The following DRGX variants were observed in gnomAD, a reference collection of about 807,000 sequenced individuals.
DRGX encodes the protein dorsal root ganglia homeobox, also known as dorsal root ganglia homeobox protein.
A neutral mutation model predicts 28.6 loss-of-function variants in DRGX; 21 were observed. The ratio of observed to expected loss-of-function variants is 0.73; its 90% CI spans 0.52 to 1.06. DRGX has a LOEUF of 1.06. DRGX is among the 50% of genes least tolerant of loss of function. The pLI is 0.00. For missense variants in DRGX, 354 were observed against 343.9 expected, an observed-to-expected ratio of 1.03 and a Z score of -0.23; for synonymous variants, 136 against 139.1, an observed-to-expected ratio of 0.98 and a Z score of 0.16.
chr10:49,392,356 T>G (rs1849915689), intron 2 of DRGX, among the ~76,000 whole-genome samples: 1 of 152,210 alleles, frequency 6.6e-6, no homozygotes, highest in Non-Finnish European at 1.5e-5. Context: ...TCTTTCACCA[T>G]CCAGGGCCAC....
chr10:49,388,932 G>A (rs150158312), intron 4 of DRGX, among the ~76,000 whole-genome samples: 146 of 152,210 alleles, frequency 9.6e-4, no homozygotes, highest in Admixed American at 1.6e-3. Flanking sequence ...AACAATTCCC[G>A]GCTTTAATTG....
At chr10:49,389,374 T>A (rs550621647) in intron 4 of DRGX, among the ~76,000 whole-genome samples, 2 of 152,080 alleles carry the variant, frequency 1.3e-5, no homozygotes, top group East Asian at 3.9e-4. Context: ...AGCCCCTACA[T>A]AAAAAAGAAC....
At chr10:49,383,624 T>C (rs1849800810) in intron 6 of DRGX, among the ~76,000 whole-genome samples, 1 of 152,160 alleles carries the variant, frequency 6.6e-6, no homozygotes, top group Non-Finnish European at 1.5e-5. Flanking sequence ...AATTCATAGA[T>C]TGAAATCTTG....
At chr10:49,395,162 C>T (rs772916809) in intron 2 of DRGX, among the ~76,000 whole-genome samples, 1 of 152,224 alleles carries the variant, frequency 6.6e-6, no homozygotes, top group Non-Finnish European at 1.5e-5. Context: ...CCCCGCGGCA[C>T]GCCTAGCCCG....
At position 49,365,713 on chromosome 10, in the gene DRGX, A is replaced by G. The variant is rs1389271841; in HGVS notation, c.*403T>C. 1 of 168,604 alleles carries G rather than the reference A, an allele frequency of 5.9e-6. No homozygotes were observed. The highest frequency in any genetic ancestry group is 6.4e-5 in the Admixed American group (1 of 15,674). The allele number at this position is 168,604 out of a possible 1,614,324, so 10.4% of individuals were successfully genotyped here. On this transcript the variant is annotated 3_prime_UTR_variant, in exon 7 of 7. Transcript: ENST00000374139. ...AAGCGGGACAGGCCCTTTTCTTTTC[A>G]TGAAACTTCAGCCCATGCCACAGTT...
At chr10:49,382,908 G>T (rs1233840334) in intron 6 of DRGX, among the ~76,000 whole-genome samples, 1 of 152,214 alleles carries the variant, frequency 6.6e-6, no homozygotes, top group African/African-American at 2.4e-5. Flanking sequence ...GTGTGTGTGT[G>T]TGTCCCACCT....
rs12261515 is a variant in DRGX, at chr10:49,386,463, C to A, written c.526+15G>T. The A allele has an allele frequency of 0.24, 365,479 of 1,531,210 alleles. 45,641 individuals carry two copies. Among genetic ancestry groups the A allele is most frequent in the East Asian group, 0.49 (20,245 of 41,248 alleles). 94.9% of individuals were successfully genotyped at this position (1,531,210 alleles called of 1,614,324 possible). The stretch of plus-strand genomic sequence containing the variant: ...ATGAGGCCACGCCCACCAGCCCAGC[C>A]GAACCCAAACTCACCTTTGAGGGAA... On this transcript the variant is annotated intron_variant, in intron 6 of 6. Coordinates refer to ENST00000374139, the MANE Select transcript of DRGX (RefSeq NM_001276451.2).
intron 6 of DRGX, among the ~76,000 whole-genome samples, chr10:49,370,661 A>T (rs1224968387): frequency 6.6e-6 from 1 of 152,260 alleles, no homozygotes; most frequent in Non-Finnish European, 1.5e-5. Context: ...CTGGGAAGAT[A>T]TGTGGATCCA....
intron 6 of DRGX, among the ~76,000 whole-genome samples, chr10:49,385,749 C>T (rs778671460): frequency 5.1e-4 from 78 of 152,144 alleles, no homozygotes; most frequent in Non-Finnish European, 1.0e-3. Context: ...ACCTCCCAGA[C>T]CCCCTGTGAC....
chr10:49,379,918 C>G (rs1590365425), intron 6 of DRGX, among the ~76,000 whole-genome samples: 1 of 152,238 alleles, frequency 6.6e-6, no homozygotes, highest in South Asian at 2.1e-4. Context: ...TCCTCCCAGC[C>G]TGGGCCTTAC....
chr10:49,391,199 G>A lies in DRGX; in HGVS notation c.97C>T (p.Gln33Ter), dbSNP rs1290486305. Residue 33 changes from glutamine to a stop codon, truncating the protein, a stop_gained, in exon 3 of 7, where the codon CAG (glutamine) becomes TAG (stop). Transcript: ENST00000374139. LOFTEE classifies it high-confidence loss of function. ...GTGAACGTCGTCCGGTTCCGGCGCT[G>A]TTTTCTACGCAGAAACCCGTCATCA... Reference protein sequence around the residue: ...DFDDGFLRRKQRRNRTTFTLQ... With the variant: ...DFDDGFLRRK The A allele has an allele frequency of 6.2e-7, 1 of 1,613,168 alleles. No homozygotes were observed. The highest frequency in any genetic ancestry group is 8.5e-7 in the Non-Finnish European group (1 of 1,179,598).
intron 6 of DRGX, among the ~76,000 whole-genome samples, chr10:49,376,274 C>T (rs1056758634): frequency 6.6e-6 from 1 of 152,226 alleles, no homozygotes; most frequent in African/African-American, 2.4e-5. Context: ...GTCTTCCTGA[C>T]ATCAGCTAGG....
intron 4 of DRGX, among the ~76,000 whole-genome samples, chr10:49,387,460 A>T (rs1037699334): frequency 3.9e-5 from 6 of 152,120 alleles, no homozygotes; most frequent in African/African-American, 1.4e-4. Context: ...GGAGTTTGAG[A>T]CCAGCCTGGC....
chr10:49,377,217 T>C (rs533172649), intron 6 of DRGX, among the ~76,000 whole-genome samples: 1 of 152,320 alleles, frequency 6.6e-6, no homozygotes, highest in African/African-American at 2.4e-5. Flanking sequence ...CAAACTGCAT[T>C]ACATTTTACT....
intron 6 of DRGX, among the ~76,000 whole-genome samples, chr10:49,376,925 A>T (rs891913334): frequency 6.6e-6 from 1 of 152,126 alleles, no homozygotes; most frequent in South Asian, 2.1e-4. Context: ...CTGAACTAGG[A>T]TTCTTGGTGG....
chr10:49,391,763 C>T, intron 2 of DRGX: 2 of 478,646 alleles, frequency 4.2e-6, no homozygotes, highest in South Asian at 3.1e-5. Flanking sequence ...ACACCAAGAG[C>T]TTTTCACGGC....
intron 6 of DRGX, among the ~76,000 whole-genome samples, chr10:49,384,291 C>T (rs755431851): frequency 6.6e-6 from 1 of 152,230 alleles, no homozygotes. Context: ...ACCTGCCTGG[C>T]TCTGGAAACA....
At chr10:49,378,610 T>C (rs1849740758) in intron 6 of DRGX, among the ~76,000 whole-genome samples, 1 of 152,238 alleles carries the variant, frequency 6.6e-6, no homozygotes, top group Non-Finnish European at 1.5e-5. Context: ...TAAGGCCAGA[T>C]GCCTGTTTTC....
intron 2 of DRGX, among the ~76,000 whole-genome samples, chr10:49,392,759 T>C (rs776726951): frequency 6.6e-6 from 1 of 152,004 alleles, no homozygotes; most frequent in Non-Finnish European, 1.5e-5. Context: ...GACAACCTAA[T>C]AGAAAAGAGG....
Sources: gnomAD v4.1 joint callset for allele counts (sites outside exome capture counted in the v4.1 genomes callset) on GRCh38, gnomAD v4.1.1 for gene constraint, MANE v1.5 for transcripts, NCBI Gene and HGNC (gene_info 2026-07-23, HGNC 2026-07-21) for gene names.